Variants in GRIN2B observed in about 807,000 individuals in gnomAD.
The protein encoded by GRIN2B is glutamate receptor ionotropic, NMDA 2B.
Under a neutral mutation model 114.5 loss-of-function variants are expected in GRIN2B, and 5 were observed. The observed-to-expected ratio is 0.04, with a 90% CI of 0.02 to 0.09. The LOEUF is 0.09. GRIN2B is among the 10% of genes least tolerant of loss of function. GRIN2B has a pLI of 1.00. For missense variants in GRIN2B, 1,108 were observed against 1,943.5 expected, an observed-to-expected ratio of 0.57 and a Z score of 8.08; for synonymous variants, 787 against 745.1, an observed-to-expected ratio of 1.06 and a Z score of -0.92.
chr12:13,899,678 A>G (rs1866411138), intron 2 of GRIN2B, among the ~76,000 whole-genome samples: 1 of 144,262 alleles, frequency 6.9e-6, no homozygotes. Flanking sequence ...ATTGCCAACT[A>G]TCCACTTCCT....
chr12:13,635,245 T>C (rs1387435258), intron 5 of GRIN2B, among the ~76,000 whole-genome samples: 1 of 152,150 alleles, frequency 6.6e-6, no homozygotes, highest in East Asian at 1.9e-4. Flanking sequence ...GGAAACCTCT[T>C]CACACTGAGA....
chr12:13,626,854 T>C (rs1949574228), intron 5 of GRIN2B, among the ~76,000 whole-genome samples: 1 of 100,078 alleles, frequency 1.0e-5, no homozygotes, highest in Non-Finnish European at 1.9e-5. Flanking sequence ...TAGCTCTTTA[T>C]CTCCTCCTCT....
intron 3 of GRIN2B, among the ~76,000 whole-genome samples, chr12:13,845,710 C>T (rs1865461004): frequency 6.6e-6 from 1 of 152,164 alleles, no homozygotes; most frequent in African/African-American, 2.4e-5. Flanking sequence ...AGTAAGATAA[C>T]ATGTTCATCT....
chr12:13,589,965 A>T (rs1044195285), intron 10 of GRIN2B, among the ~76,000 whole-genome samples: 1 of 152,186 alleles, frequency 6.6e-6, no homozygotes, highest in African/African-American at 2.4e-5. Flanking sequence ...TAGACTATCA[A>T]CTATGGCAAT....
At chr12:13,970,661 A>G (rs1862894774) in intron 2 of GRIN2B, among the ~76,000 whole-genome samples, 1 of 149,018 alleles carries the variant, frequency 6.7e-6, no homozygotes, top group South Asian at 2.1e-4. Context: ...AACAAAAGTG[A>G]TTTCTCTTCT....
At chr12:13,574,288 T>A (rs1285717198) in intron 10 of GRIN2B, among the ~76,000 whole-genome samples, 1 of 152,218 alleles carries the variant, frequency 6.6e-6, no homozygotes, top group Non-Finnish European at 1.5e-5. Context: ...TGCATACCAC[T>A]ATCAAATACA....
At chr12:13,880,647 G>A (rs1866057745) in intron 2 of GRIN2B, among the ~76,000 whole-genome samples, 1 of 152,172 alleles carries the variant, frequency 6.6e-6, no homozygotes, top group African/African-American at 2.4e-5. Flanking sequence ...AGTTTATAAT[G>A]ATTAAGAAAC....
chr12:13,720,602 C>G (rs1950499321), intron 4 of GRIN2B, among the ~76,000 whole-genome samples: 1 of 152,022 alleles, frequency 6.6e-6, no homozygotes, highest in Non-Finnish European at 1.5e-5. Context: ...CTAGAGTAAG[C>G]CTCAATCTTA....
At chr12:13,891,119 G>A (rs1455320680) in intron 2 of GRIN2B, among the ~76,000 whole-genome samples, 1 of 152,152 alleles carries the variant, frequency 6.6e-6, no homozygotes, top group Non-Finnish European at 1.5e-5. Context: ...CAATGCCCTG[G>A]ATACTGGATT....
chr12:13,973,101 G>A (rs1394838813), intron 2 of GRIN2B, among the ~76,000 whole-genome samples: 1 of 152,176 alleles, frequency 6.6e-6, no homozygotes, highest in Admixed American at 6.5e-5. Flanking sequence ...AAAAGAATGA[G>A]CGTCCTCACC....
At chr12:13,806,893 T>A (rs1442409645) in intron 3 of GRIN2B, among the ~76,000 whole-genome samples, 1 of 152,172 alleles carries the variant, frequency 6.6e-6, no homozygotes, top group Admixed American at 6.5e-5. Context: ...GATTTGATTT[T>A]TATATATGAG....
rs775838374 is a variant in GRIN2B at position 13,563,090 on chromosome 12, G to A, written c.4148C>T (p.Thr1383Met). The A allele has an allele frequency of 1.2e-5, 19 of 1,614,216 alleles. No individual in the cohort carries two copies. The highest frequency in any genetic ancestry group is 3.3e-5 in the Admixed American group (2 of 60,036). ...AAAAGTGGGGATGAAAGGGTTTTGC[G>A]TGACCCGGTCAGGGTAGAGCGACTT... ...LSKSLYPDRVTQNPFIPTFGD... is the reference protein window; with the variant it reads ...LSKSLYPDRVMQNPFIPTFGD... The change falls in exon 14 of 14, where the codon ACG becomes ATG. Residue 1383 changes from threonine to methionine, a missense_variant. By Grantham distance (81) the Thr-to-Met change is moderately conservative (BLOSUM62 -1). This residue lies in a region of GRIN2B where 478 missense variants were observed against 506.0 expected (regional missense o/e 0.94). Transcript: ENST00000609686.
intron 2 of GRIN2B, among the ~76,000 whole-genome samples, chr12:13,885,809 T>C (rs1358210615): frequency 1.3e-5 from 2 of 152,182 alleles, no homozygotes; most frequent in African/African-American, 4.8e-5. Flanking sequence ...GAAATAAAGG[T>C]GGTAACGGTA....
rs193283656 is a variant in GRIN2B, at chr12:13,679,739, T to C, written c.1011-3880A>G. ...CATCAGCCTTGAGCAAGATGCCCTT[T>C]GAATAGCAGAACAAACCCATCCATT... is the stretch of plus-strand genomic sequence containing the variant. On this transcript the variant is annotated intron_variant, in intron 4 of 13. Transcript: ENST00000609686. Among the ~76,000 whole-genome samples the C allele has an allele frequency of 4.6e-5, 7 of 152,240 alleles. No individual in the cohort carries two copies. In the East Asian group the frequency reaches 1.4e-3, roughly 29 times the overall value.
intron 10 of GRIN2B, among the ~76,000 whole-genome samples, chr12:13,587,343 T>TA (rs1948941867): frequency 6.6e-6 from 1 of 150,696 alleles, no homozygotes; most frequent in South Asian, 2.1e-4. Context: ...TCTTTTTATT[T>TA]CTTTTTTTTT....
At chr12:13,640,452 G>A (rs1429438448) in intron 5 of GRIN2B, among the ~76,000 whole-genome samples, 1 of 152,044 alleles carries the variant, frequency 6.6e-6, no homozygotes, top group Non-Finnish European at 1.5e-5. Context: ...CATTGATCTT[G>A]CCTTCTGTCT....
intron 10 of GRIN2B, among the ~76,000 whole-genome samples, chr12:13,582,369 A>T (rs1483045966): frequency 6.6e-6 from 1 of 152,248 alleles, no homozygotes; most frequent in Non-Finnish European, 1.5e-5. Flanking sequence ...AGCTACCGGT[A>T]TATAGGAAAA....
chr12:13,601,339 C>G (rs1949157018), intron 10 of GRIN2B, among the ~76,000 whole-genome samples: 1 of 152,144 alleles, frequency 6.6e-6, no homozygotes, highest in Non-Finnish European at 1.5e-5. Context: ...GTGGCTGCAT[C>G]ACTCCTGTGT....
At chr12:13,598,748 C>T (rs1416855289) in intron 10 of GRIN2B, among the ~76,000 whole-genome samples, 1 of 152,106 alleles carries the variant, frequency 6.6e-6, no homozygotes, top group Non-Finnish European at 1.5e-5. Context: ...CTTTTATTTC[C>T]AGCTGGTTGG....
Sources: gnomAD v4.1 joint callset for allele counts (sites outside exome capture counted in the v4.1 genomes callset) on GRCh38, gnomAD v4.1.1 for gene constraint, gnomAD v4.1.1 regional missense constraint, MANE v1.5 for transcripts, NCBI Gene and HGNC (gene_info 2026-07-23, HGNC 2026-07-21) for gene names.